Variants in MAMSTR observed in about 807,000 individuals in gnomAD.
MAMSTR encodes the protein MEF2-activating motif and SAP domain-containing transcriptional regulator.
In MAMSTR, 41 loss-of-function variants were observed where a neutral mutation model predicts 42.7. The observed-to-expected ratio is 0.96, with a 90% CI of 0.75 to 1.25. The LOEUF is 1.25. MAMSTR is among the 50% of genes most tolerant of loss of function. MAMSTR has a pLI of 0.00. For missense variants in MAMSTR, 567 were observed against 557.6 expected, an observed-to-expected ratio of 1.02 and a Z score of -0.17; for synonymous variants, 265 against 244.1, an observed-to-expected ratio of 1.09 and a Z score of -0.80.
At chr19:48,716,050 A>C (rs2033011192) in intron 3 of MAMSTR, 1 of 934,638 alleles carries the variant, frequency 1.1e-6, no homozygotes, top group Non-Finnish European at 1.4e-6. Flanking sequence ...TGGGGCCTGC[A>C]CTCCTGGTTC....
chr19:48,717,468 GT>G (rs1485627029), intron 2 of MAMSTR, among the ~76,000 whole-genome samples: 1 of 146,804 alleles, frequency 6.8e-6, no homozygotes, highest in Non-Finnish European at 1.5e-5. Flanking sequence ...AAATTTTTTT[GT>G]TTTGTTTTTT....
Position 48,719,192 on chromosome 19 carries a change from C to T in MAMSTR, c.-21-140G>A, listed in dbSNP as rs577721682. On this transcript the variant is annotated intron_variant, in intron 1 of 9. Coordinates refer to ENST00000318083, the MANE Select transcript of MAMSTR (RefSeq NM_001130915.2). The surrounding 1 kb of genome is among the most constrained non-coding windows in gnomAD (Gnocchi z 4.4). ...TAGGAGCAGCCTTGGGCCATAACTT[C>T]CGGATCCCAGGGGCTGTAGAGGAGG... The T allele has an allele frequency of 2.4e-5, 15 of 629,036 alleles. No individual in the cohort carries two copies. The highest frequency in any genetic ancestry group is 1.3e-4 in the Admixed American group (5 of 39,518). 39.0% of individuals were successfully genotyped at this position (629,036 alleles called of 1,614,324 possible).
chr19:48,714,315 C>T, intron 7 of MAMSTR, 51 bp downstream of exon 7: 1 of 1,326,794 alleles, frequency 7.5e-7, no homozygotes, highest in Non-Finnish European at 9.7e-7. Flanking sequence ...CCCGCCCCGG[C>T]CCACTTTGCT....
downstream of MAMSTR, among the ~76,000 whole-genome samples, chr19:48,708,009 T>C (rs1297479651): frequency 6.6e-6 from 1 of 151,558 alleles, no homozygotes; most frequent in African/African-American, 2.4e-5. Context: ...CCAAGACCAG[T>C]GGATTACCTA....
the MAMSTR span, among the ~76,000 whole-genome samples, chr19:48,706,527 C>G: frequency 4.6e-5 from 7 of 151,766 alleles, no homozygotes. Flanking sequence ...ATCCCAGCTG[C>G]TAGGGAGGCT....
Position 48,719,186 on chromosome 19 carries a change from T to A in MAMSTR, c.-21-134A>T. 1.6e-6 allele frequency: 1 copy of A among 636,146 alleles called. No individual in the cohort carries two copies. Among genetic ancestry groups the A allele is most frequent in the Non-Finnish European group, 2.8e-6 (1 of 358,608 alleles). 39.4% of individuals were successfully genotyped at this position (636,146 alleles called of 1,614,324 possible). A position where few individuals can be genotyped will look rare whatever the true frequency, so the allele number is the denominator to read the frequency against. ...TGGGAATAGGAGCAGCCTTGGGCCATAACTTCCGGATCCCAGGGGCTGTAG... is the reference window on the plus strand; with the variant it reads ...TGGGAATAGGAGCAGCCTTGGGCCAAAACTTCCGGATCCCAGGGGCTGTAG... On this transcript the variant is annotated intron_variant, in intron 1 of 9. Transcript: ENST00000318083. The surrounding 1 kb of genome is among the most constrained non-coding windows in gnomAD (Gnocchi z 4.4).
downstream of MAMSTR, among the ~76,000 whole-genome samples, chr19:48,711,512 A>ATAGT (rs1601242822): frequency 6.6e-6 from 1 of 152,098 alleles, no homozygotes; most frequent in Non-Finnish European, 1.5e-5. Flanking sequence ...GCAGTCATAG[A>ATAGT]TAGTTATTGT....
In MAMSTR at chr19:48,716,727, G is replaced by A. The variant is rs771759578; in HGVS notation, c.75C>T (p.Ile25=). The change falls in exon 3 of 10, where the codon ATC becomes ATT. Residue 25 remains isoleucine, a synonymous_variant. Transcript: ENST00000318083. ...SKFRSVLQLR[I]HRRNQEQISD... ...TACTCTGCTCCTGATTCCGTCTGTG[G>A]ATCCGAAGCTGGAGGACTGTGGAGG... The A allele has an allele frequency of 2.3e-6, 3 of 1,332,876 alleles. No individual in the cohort carries two copies. In the African/African-American group the frequency reaches 4.6e-5, roughly 20 times the overall value. 82.6% of individuals were successfully genotyped at this position (1,332,876 alleles called of 1,614,324 possible). A position where few individuals can be genotyped will look rare whatever the true frequency, so the allele number is the denominator to read the frequency against.
chr19:48,714,262 CT>C (rs1455871956), intron 7 of MAMSTR, 103 bp downstream of exon 7: 3 of 1,090,006 alleles, frequency 2.8e-6, no homozygotes, highest in East Asian at 6.0e-5. Flanking sequence ...CTTCCTACCG[CT>C]GGTCCTCGCC....
the MAMSTR span, among the ~76,000 whole-genome samples, chr19:48,707,602 G>A: frequency 7.8e-4 from 118 of 150,736 alleles, no homozygotes; most frequent in African/African-American, 2.2e-3. Context: ...TTAGCCAGGC[G>A]TGGTGGTGCA....
chr19:48,714,216 C>T (rs185765112), intron 7 of MAMSTR, 150 bp downstream of exon 7: 72 of 977,362 alleles, frequency 7.4e-5, no homozygotes, highest in Non-Finnish European at 8.5e-5. Context: ...AGATCCGCCC[C>T]CTGTTAGTCT....
In MAMSTR at chr19:48,715,424, C is replaced by G; in HGVS notation, c.263G>C (p.Arg88Pro). 1.3e-6 allele frequency: 2 copies of G among 1,503,514 alleles called. No homozygotes were observed. The highest frequency in any genetic ancestry group is 1.8e-6 in the Non-Finnish European group (2 of 1,131,984). 93.1% of individuals were successfully genotyped at this position (1,503,514 alleles called of 1,614,324 possible). A position where few individuals can be genotyped will look rare whatever the true frequency, so the allele number is the denominator to read the frequency against. ...CCCCCTGGGCTTGGACTCCCTCCAA[C>G]GTTGGGAGATCTTGGGAGACTCCTG... ...PKKESPKISQ[R>P]WRESKPRGNL... is the part of the protein sequence containing the mutation. Residue 88 changes from arginine to proline, a missense_variant, in exon 5 of 10, where the codon CGT (arginine) becomes CCT (proline). Arg to Pro is a moderately radical substitution (Grantham distance 103, BLOSUM62 -2). Coordinates refer to ENST00000318083, the MANE Select transcript of MAMSTR (RefSeq NM_001130915.2).
chr19:48,715,550 G>A, intron 4 of MAMSTR, 75 bp downstream of exon 4: 1 of 1,484,794 alleles, frequency 6.7e-7, no homozygotes, highest in East Asian at 2.5e-5. Context: ...CCGAAGAGGA[G>A]CAAAAATGGC....
downstream of MAMSTR, among the ~76,000 whole-genome samples, chr19:48,710,443 A>T (rs1359437601): frequency 7.7e-6 from 1 of 129,076 alleles, no homozygotes; most frequent in African/African-American, 3.0e-5. Flanking sequence ...TTTTTGAAAC[A>T]CAGGATCTTG....
chr19:48,706,933 CAAAAAAT>C, the MAMSTR span, among the ~76,000 whole-genome samples: 1 of 151,310 alleles, frequency 6.6e-6, no homozygotes, highest in Non-Finnish European at 1.5e-5. Context: ...CCTGTCTCTA[CAAAAAAT>C]AAAAAACTAA....
rs1205561117 is a variant in MAMSTR, at chr19:48,715,764, G to A, written c.101C>T (p.Ser34Leu). 19 of 1,539,862 alleles carry A rather than the reference G, an allele frequency of 1.2e-5. No individual in the cohort carries two copies. Among genetic ancestry groups the A allele is most frequent in the Non-Finnish European group, 1.6e-5 (18 of 1,144,160 alleles). The change falls in exon 4 of 10, where the codon TCG becomes TTG. Residue 34 changes from serine to leucine, a missense_variant. By Grantham distance (145) the Ser-to-Leu change is moderately radical. Coordinates refer to ENST00000318083, the MANE Select transcript of MAMSTR (RefSeq NM_001130915.2). ...RIHRRNQEQI[S>L]DPDPWISASD... The stretch of plus-strand genomic sequence containing the variant: ...GGCTGAGATCCACGGGTCCGGATCC[G>A]AGACTGGAGAGACGGTGAAGGACCC...
chr19:48,716,773 G>A (rs1364795018), intron 2 of MAMSTR, 30 bp from the exon 3 acceptor site: 1 of 1,292,966 alleles, frequency 7.7e-7, no homozygotes, highest in Non-Finnish European at 9.9e-7. Flanking sequence ...GTGGGAGGAG[G>A]AAGGCGGGAA....
intron 2 of MAMSTR, 29 bp from the exon 3 acceptor site, chr19:48,716,772 G>A: frequency 7.7e-7 from 1 of 1,291,848 alleles, no homozygotes; most frequent in Non-Finnish European, 9.9e-7. Context: ...GGTGGGAGGA[G>A]GAAGGCGGGA....
downstream of MAMSTR, among the ~76,000 whole-genome samples, chr19:48,711,248 C>T (rs2032720013): frequency 6.6e-6 from 1 of 152,216 alleles, no homozygotes. Flanking sequence ...GAGCCCTGAG[C>T]TATCATGCAA....
Sources: gnomAD v4.1 joint callset for allele counts (sites outside exome capture counted in the v4.1 genomes callset) on GRCh38, gnomAD v4.1.1 for gene constraint, Gnocchi (gnomAD v3.1) non-coding constraint, MANE v1.5 for transcripts, NCBI Gene and HGNC (gene_info 2026-07-23, HGNC 2026-07-21) for gene names.